Variants in FAM13C observed in about 807,000 individuals in gnomAD.
FAM13C encodes the protein protein FAM13C.
A neutral mutation model predicts 73.2 loss-of-function variants in FAM13C; 37 were observed. That is an observed-to-expected ratio of 0.51 (90% CI 0.39 to 0.67). The LOEUF (loss-of-function observed/expected upper bound fraction) is 0.67. FAM13C is among the 30% of genes least tolerant of loss of function. FAM13C has a pLI of 0.00. For synonymous variants in FAM13C, 246 were observed against 260.9 expected, an observed-to-expected ratio of 0.94 and a Z score of 0.55; for missense variants, 589 against 715.6, an observed-to-expected ratio of 0.82 and a Z score of 2.02.
intron 4 of FAM13C, among the ~76,000 whole-genome samples, chr10:59,312,611 C>A (rs1849063299): frequency 1.3e-5 from 2 of 152,306 alleles, no homozygotes; most frequent in South Asian, 4.1e-4. Flanking sequence ...GATCAACACC[C>A]AGGCTACCAG....
intron 3 of FAM13C, among the ~76,000 whole-genome samples, chr10:59,341,705 A>C (rs1233919842): frequency 6.6e-6 from 1 of 152,126 alleles, no homozygotes; most frequent in Non-Finnish European, 1.5e-5. Context: ...AAAAAGGAAA[A>C]AGAAAGAAAG....
At chr10:59,338,910 T>C (rs1444176552) in intron 3 of FAM13C, among the ~76,000 whole-genome samples, 1 of 152,200 alleles carries the variant, frequency 6.6e-6, no homozygotes, top group East Asian at 1.9e-4. Context: ...TACCATAATT[T>C]GTTGGCTTAA....
chr10:59,326,791 G>A (rs1851208816), intron 3 of FAM13C, among the ~76,000 whole-genome samples: 1 of 152,142 alleles, frequency 6.6e-6, no homozygotes. Flanking sequence ...ACCCCAGACA[G>A]CCTGAAGCAG....
chr10:59,320,900 C>T (rs1398926107), intron 4 of FAM13C, among the ~76,000 whole-genome samples: 2 of 152,140 alleles, frequency 1.3e-5, no homozygotes, highest in Admixed American at 1.3e-4. Flanking sequence ...TTTAGGCCAA[C>T]CTTGATTTAA....
chr10:59,259,850 C>T (rs1564485978), intron 10 of FAM13C, among the ~76,000 whole-genome samples: 1 of 152,146 alleles, frequency 6.6e-6, no homozygotes, highest in African/African-American at 2.4e-5. Flanking sequence ...GGATGACCAA[C>T]CATCCCAGTT....
rs190529037 is a variant in FAM13C at position 59,272,903 on chromosome 10, T to G, written c.593-2794A>C. 9.5e-4 allele frequency among the ~76,000 whole-genome samples: 145 copies of G among 152,292 alleles called. 1 individual carries two copies. The highest frequency in any genetic ancestry group is 1.4e-3 in the Admixed American group (22 of 15,304). ...TATATACTACGTTTTTTCCTATATA[T>G]AGAGAGAGCTTTGATAAAGTTTAAT... On this transcript the variant is annotated intron_variant, in intron 6 of 13. Coordinates refer to ENST00000618804, the MANE Select transcript of FAM13C (RefSeq NM_198215.4).
At chr10:59,326,302 G>A (rs939515884) in intron 3 of FAM13C, among the ~76,000 whole-genome samples, 3 of 152,028 alleles carry the variant, frequency 2.0e-5, no homozygotes, top group Non-Finnish European at 4.4e-5. Flanking sequence ...ATTCAAATGG[G>A]GAAAAGAGTG....
At chr10:59,270,567 G>T (rs1426592101) in intron 6 of FAM13C, among the ~76,000 whole-genome samples, 1 of 152,054 alleles carries the variant, frequency 6.6e-6, no homozygotes, top group Non-Finnish European at 1.5e-5. Flanking sequence ...AAAAACAAGA[G>T]GAAGAGAGGG....
At chr10:59,313,058 G>T (rs1849116649) in intron 4 of FAM13C, among the ~76,000 whole-genome samples, 1 of 152,130 alleles carries the variant, frequency 6.6e-6, no homozygotes, top group African/African-American at 2.4e-5. Flanking sequence ...GTAAACATGT[G>T]GCCTGAACTA....
chr10:59,262,822 C>T (rs377477932), intron 9 of FAM13C, among the ~76,000 whole-genome samples, 177 bp from the exon 10 acceptor site: 5 of 152,116 alleles, frequency 3.3e-5, no homozygotes, highest in Admixed American at 6.5e-5. Flanking sequence ...AGCTCCCAAT[C>T]GGGTGTGAAA....
At chr10:59,302,111 A>G (rs926498290) in intron 5 of FAM13C, among the ~76,000 whole-genome samples, 2 of 152,222 alleles carry the variant, frequency 1.3e-5, no homozygotes, top group Non-Finnish European at 1.5e-5. Flanking sequence ...GACGTACTAA[A>G]TACCACCTAC....
chr10:59,323,376 T>G (rs984629628), intron 4 of FAM13C: 2 of 153,116 alleles, frequency 1.3e-5, no homozygotes, highest in African/African-American at 4.8e-5. Flanking sequence ...CCAGCAGGTC[T>G]AGCAGGCTAG....
intron 2 of FAM13C, among the ~76,000 whole-genome samples, chr10:59,352,903 G>T (rs1855257564): frequency 6.6e-6 from 1 of 152,124 alleles, no homozygotes; most frequent in South Asian, 2.1e-4. Flanking sequence ...CAGACCCAGA[G>T]GCCTCATGTG....
chr10:59,255,292 C>T (rs1297574216), intron 10 of FAM13C, among the ~76,000 whole-genome samples: 3 of 152,094 alleles, frequency 2.0e-5, no homozygotes, highest in African/African-American at 7.2e-5. Context: ...ATATCCTTCC[C>T]TGAAAAAAAT....
intron 3 of FAM13C, among the ~76,000 whole-genome samples, chr10:59,344,460 T>G (rs1196477319): frequency 6.7e-6 from 1 of 149,296 alleles, no homozygotes; most frequent in Non-Finnish European, 1.5e-5. Context: ...TTTTTTTTAT[T>G]TTTAGTAGAG....
intron 5 of FAM13C, among the ~76,000 whole-genome samples, chr10:59,296,039 A>T (rs1482337941): frequency 1.3e-5 from 2 of 152,222 alleles, no homozygotes; most frequent in Non-Finnish European, 2.9e-5. Context: ...CTGGGTTTGC[A>T]TTTGAATAGA....
intron 6 of FAM13C, among the ~76,000 whole-genome samples, chr10:59,272,798 A>G (rs1181950678): frequency 6.6e-6 from 1 of 152,206 alleles, no homozygotes; most frequent in African/African-American, 2.4e-5. Context: ...GTGTCAATAC[A>G]GTAGTCACCA....
intron 6 of FAM13C, among the ~76,000 whole-genome samples, chr10:59,273,967 G>A (rs1006146406): frequency 6.7e-6 from 1 of 150,232 alleles, no homozygotes; most frequent in Non-Finnish European, 1.5e-5. Flanking sequence ...GTGTAGATTC[G>A]TAAAATTGCA....
Position 59,278,603 on chromosome 10 carries a change from C to T in FAM13C, c.592+4760G>A, listed in dbSNP as rs191373681. 8.6e-4 allele frequency among the ~76,000 whole-genome samples: 131 copies of T among 152,220 alleles called. 3 individuals are homozygous for T. Among genetic ancestry groups the T allele is most frequent in the Non-Finnish European group, 1.3e-3 (90 of 68,016 alleles). On this transcript the variant is annotated intron_variant, in intron 6 of 13. Transcript: ENST00000618804. ...ACTCACCAGATGCCAGGAATGTCCA[C>T]CCCCTCATTGTAACCAGTTGTGTCT... is the stretch of plus-strand genomic sequence containing the variant.
Sources: gnomAD v4.1 joint callset for allele counts (sites outside exome capture counted in the v4.1 genomes callset) on GRCh38, gnomAD v4.1.1 for gene constraint, MANE v1.5 for transcripts, NCBI Gene and HGNC (gene_info 2026-07-23, HGNC 2026-07-21) for gene names.